PYROXD2: variants seen among roughly 807,000 people sequenced by gnomAD.
The protein encoded by PYROXD2 is pyridine nucleotide-disulfide oxidoreductase domain-containing protein 2.
In PYROXD2, 69 loss-of-function variants were observed where a neutral mutation model predicts 71.1. That is an observed-to-expected ratio of 0.97 (90% CI 0.80 to 1.19). The LOEUF (loss-of-function observed/expected upper bound fraction) is 1.19, where lower values mean the gene tolerates loss of function less well. Ranked by LOEUF, PYROXD2 falls within the 50% of genes most tolerant of loss-of-function variation. PYROXD2 has a pLI of 0.00. For missense variants in PYROXD2, 745 were observed against 748.9 expected, an observed-to-expected ratio of 0.99 and a Z score of 0.06; for synonymous variants, 287 against 302.7, an observed-to-expected ratio of 0.95 and a Z score of 0.54.
rs181799137 is a variant in PYROXD2 at position 98,383,711 on chromosome 10, G to A, written c.*87C>T. On this transcript the variant is annotated 3_prime_UTR_variant, in exon 16 of 16. Coordinates refer to ENST00000370575, the MANE Select transcript of PYROXD2 (RefSeq NM_032709.3). ...TTGTGGTGGCCTTATGTACTAACCC[G>A]AAGCTGAACTTCCTGGGAAGCTGAT... The A allele has an allele frequency of 1.1e-4, 122 of 1,157,700 alleles. No individual in the cohort carries two copies. The East Asian group carries it at 2.4e-3, about 23-fold the overall frequency. The allele number at this position is 1,157,700 out of a possible 1,614,324, so 71.7% of individuals were successfully genotyped here.
chr10:98,393,641 TGCA>T (rs1405799591), intron 8 of PYROXD2, among the ~76,000 whole-genome samples: 1 of 152,200 alleles, frequency 6.6e-6, no homozygotes, highest in African/African-American at 2.4e-5. Context: ...CTTATGCTGC[TGCA>T]GTAGTGCCCC....
chr10:98,410,578 A>T (rs985721673), intron 2 of PYROXD2: 1 of 288,868 alleles, frequency 3.5e-6, no homozygotes, highest in Non-Finnish European at 6.5e-6. Flanking sequence ...AAGGGCCCCC[A>T]CCCCGCCCCA....
intron 13 of PYROXD2, 140 bp downstream of exon 13, chr10:98,388,214 T>G: frequency 9.9e-6 from 8 of 804,668 alleles, no homozygotes; most frequent in Admixed American, 2.2e-5. Context: ...TATGTTGACT[T>G]GAGGTTCCCT....
At chr10:98,390,252 C>T (rs1359285084) in intron 12 of PYROXD2, among the ~76,000 whole-genome samples, 1 of 152,200 alleles carries the variant, frequency 6.6e-6, no homozygotes, top group Non-Finnish European at 1.5e-5. Context: ...GCAGGGGACT[C>T]GGTGAGTGCG....
chr10:98,401,261 A>C (rs1043356874), intron 4 of PYROXD2, among the ~76,000 whole-genome samples: 1 of 146,866 alleles, frequency 6.8e-6, no homozygotes, highest in Non-Finnish European at 1.5e-5. Context: ...CTCAAAAAAA[A>C]AAAAACAAAA....
At chr10:98,394,512 CGG>C (rs373824869) in intron 8 of PYROXD2, among the ~76,000 whole-genome samples, 102 of 151,480 alleles carry the variant, frequency 6.7e-4, no homozygotes, top group African/African-American at 2.2e-3. Flanking sequence ...GCACTGGAAA[CGG>C]CCCAACCCTT....
At chr10:98,388,591 G>C in intron 12 of PYROXD2, 83 bp from the exon 13 acceptor site, 1 of 1,358,840 alleles carries the variant, frequency 7.4e-7, no homozygotes. Flanking sequence ...GGACACAGTG[G>C]AGGCCCTGAG....
At chr10:98,395,349 C>T in intron 7 of PYROXD2, 42 bp downstream of exon 7, 2 of 1,613,264 alleles carry the variant, frequency 1.2e-6, no homozygotes, top group Non-Finnish European at 8.5e-7. Flanking sequence ...GAGGAGGGCC[C>T]TCTCACTGCC....
chr10:98,406,624 G>A (rs1843605120), intron 4 of PYROXD2, among the ~76,000 whole-genome samples: 1 of 150,448 alleles, frequency 6.6e-6, no homozygotes, highest in South Asian at 2.1e-4. Context: ...CGGGTGCGGT[G>A]GCTCACGCCT....
intron 5 of PYROXD2, among the ~76,000 whole-genome samples, chr10:98,399,802 A>T (rs1050183090): frequency 2.6e-5 from 4 of 152,244 alleles, no homozygotes. Flanking sequence ...CCAGTGTAAG[A>T]ACGTGCCAGT....
At chr10:98,405,658 C>T (rs1035193662) in intron 4 of PYROXD2, among the ~76,000 whole-genome samples, 1 of 152,194 alleles carries the variant, frequency 6.6e-6, no homozygotes, top group Non-Finnish European at 1.5e-5. Flanking sequence ...GGCCGGTTTC[C>T]AGCAGCTCCA....
rs1843118267 is a variant in PYROXD2 at position 98,395,155 on chromosome 10, C to T, written c.785+41G>A. 2.6e-6 allele frequency: 4 copies of T among 1,538,858 alleles called. No homozygotes were observed. The African/African-American group carries it at 4.1e-5, about 16-fold the overall frequency. ...TGTTGTCCTCACTCCTGTTGGGGAA[C>T]ATGCCCCACTCCTGTGTCCCACCTC... On this transcript the variant is annotated intron_variant, in intron 8 of 15. Coordinates refer to ENST00000370575, the MANE Select transcript of PYROXD2 (RefSeq NM_032709.3).
intron 13 of PYROXD2, 30 bp from the exon 14 acceptor site, chr10:98,387,337 G>A (rs1842787523): frequency 6.5e-7 from 1 of 1,543,610 alleles, no homozygotes; most frequent in Non-Finnish European, 8.9e-7. Flanking sequence ...GAAATGAGAT[G>A]GTGTTAGGAA....
chr10:98,387,571 C>T (rs1842794951), intron 13 of PYROXD2, among the ~76,000 whole-genome samples: 1 of 151,834 alleles, frequency 6.6e-6, no homozygotes, highest in Non-Finnish European at 1.5e-5. Flanking sequence ...CACGAAGCTG[C>T]TGATCTCCTT....
chr10:98,390,776 T>A (rs1331853638), intron 11 of PYROXD2, 22 bp from the exon 12 acceptor site: 2 of 1,558,854 alleles, frequency 1.3e-6, no homozygotes, highest in East Asian at 2.3e-5. Context: ...AAGAGGAGGG[T>A]CAGGTCTTAG....
intron 12 of PYROXD2, among the ~76,000 whole-genome samples, chr10:98,389,069 C>T (rs1271602622): frequency 6.6e-6 from 1 of 152,114 alleles, no homozygotes; most frequent in African/African-American, 2.4e-5. Flanking sequence ...CGGGAAATGC[C>T]CCTTCTCCCT....
chr10:98,384,849 C>T (rs1842699163), intron 15 of PYROXD2, 98 bp downstream of exon 15: 2 of 1,445,706 alleles, frequency 1.4e-6, no homozygotes, highest in African/African-American at 2.9e-5. Flanking sequence ...CCCTCCCTCT[C>T]TGCCACCTTC....
intron 1 of PYROXD2, chr10:98,414,393 G>T (rs1178873685): frequency 7.5e-6 from 1 of 132,806 alleles, no homozygotes; most frequent in Non-Finnish European, 1.6e-5. Context: ...TGAGCCCAGG[G>T]GTTGGCAAAG....
At position 98,393,066 on chromosome 10, in the gene PYROXD2, T is replaced by A. The variant is rs1590943562; in HGVS notation, c.803A>T (p.His268Leu). 6.3e-7 allele frequency: 1 copy of A among 1,588,816 alleles called. No individual in the cohort carries two copies. The highest frequency in any genetic ancestry group is 8.5e-7 in the Non-Finnish European group (1 of 1,171,950). The change falls in exon 9 of 16, where the codon CAT becomes CTT. Residue 268 changes from histidine to leucine, a missense_variant. By Grantham distance (99) the His-to-Leu change is moderately conservative. Transcript: ENST00000370575. ...TPGSGYVLLH[H>L]VMGGLEGMQG... is the part of the protein sequence containing the mutation. Reference sequence around the variant, plus strand: ...CATTCCCTCCAGGCCCCCCATCACATGGTGCAGCAGCACATACCTGTGGAC... The same window carrying A: ...CATTCCCTCCAGGCCCCCCATCACAAGGTGCAGCAGCACATACCTGTGGAC...
Sources: allele counts gnomAD v4.1 joint callset (sites outside exome capture counted in the v4.1 genomes callset), GRCh38; gene constraint gnomAD v4.1.1; transcripts MANE v1.5; gene names NCBI Gene and HGNC (gene_info 2026-07-23, HGNC 2026-07-21).